Variants in CDH18 observed in about 807,000 individuals in gnomAD.
CDH18 encodes cadherin 18.
Under a neutral mutation model 67.9 loss-of-function variants are expected in CDH18, and 31 were observed. The observed-to-expected ratio is 0.46, with a 90% CI of 0.34 to 0.62. The LOEUF (loss-of-function observed/expected upper bound fraction) is 0.62. Ranked by LOEUF, CDH18 falls within the 20% of genes least tolerant of loss-of-function variation. CDH18 has a pLI of 0.01. For synonymous variants in CDH18, 362 were observed against 347.2 expected (o/e 1.04, Z -0.48); for missense variants, 890 against 975.5 (o/e 0.91, Z 1.17).
At chr5:19,935,122 C>T (rs1415541053) in intron 2 of CDH18, among the ~76,000 whole-genome samples, 2 of 151,116 alleles carry the variant, frequency 1.3e-5, no homozygotes, top group Non-Finnish European at 3.0e-5. Flanking sequence ...TCCGGCACCT[C>T]CAGAAGAAAA....
At chr5:19,859,989 G>GGTGGGTGTGTGTGTGT (rs1554052083) in intron 2 of CDH18, among the ~76,000 whole-genome samples, 1 of 143,148 alleles carries the variant, frequency 7.0e-6, no homozygotes, top group Non-Finnish European at 1.5e-5. Flanking sequence ...GTTTGCTTTG[G>GGTGGGTGTGTGTGTGT]GTGTGTGTGT....
At chr5:19,775,933 G>A (rs1261703295) in intron 3 of CDH18, among the ~76,000 whole-genome samples, 2 of 152,036 alleles carry the variant, frequency 1.3e-5, no homozygotes, top group Non-Finnish European at 2.9e-5. Context: ...ATGGGAGGAT[G>A]GCAATTATTA....
At chr5:20,206,879 C>T (rs1261882727) in intron 2 of CDH18, among the ~76,000 whole-genome samples, 1 of 151,832 alleles carries the variant, frequency 6.6e-6, no homozygotes, top group Non-Finnish European at 1.5e-5. Flanking sequence ...ATGAGAACCC[C>T]ACAACTAATA....
rs373241101 is a variant in CDH18, at chr5:20,244,145, A to G, written c.-518+11299T>C. 2.6e-5 allele frequency among the ~76,000 whole-genome samples: 4 copies of G among 151,246 alleles called. No individual in the cohort carries two copies. In the East Asian group the frequency reaches 7.8e-4, roughly 30 times the overall value. ...TGAAAAAGACAAATAAATATCACCA[A>G]CAAAAAGTTGTCACATACAAATGAT... On this transcript the variant is annotated intron_variant, in intron 2 of 14. Coordinates refer to the CDH18 transcript ENST00000507958.
intron 1 of CDH18, among the ~76,000 whole-genome samples, chr5:20,569,900 C>G (rs886860132): frequency 3.3e-5 from 5 of 152,078 alleles, no homozygotes; most frequent in African/African-American, 9.7e-5. Flanking sequence ...ACTTTAAATG[C>G]ATGTTGATTA....
chr5:20,252,402 A>G (rs564298212), intron 2 of CDH18, among the ~76,000 whole-genome samples: 1 of 152,144 alleles, frequency 6.6e-6, no homozygotes, highest in South Asian at 2.1e-4. Context: ...AGTGAAAGGT[A>G]TATTTTATCA....
At chr5:19,582,914 T>C (rs976020673) in intron 7 of CDH18, among the ~76,000 whole-genome samples, 1 of 151,926 alleles carries the variant, frequency 6.6e-6, no homozygotes, top group African/African-American at 2.4e-5. Context: ...ACCAGAAATA[T>C]AGTATGTAGA....
intron 5 of CDH18, among the ~76,000 whole-genome samples, chr5:19,641,327 C>G (rs1393687854): frequency 2.0e-5 from 3 of 152,056 alleles, no homozygotes; most frequent in African/African-American, 7.2e-5. Context: ...AGGAACACCT[C>G]TAAACTCATT....
At chr5:20,113,540 A>C (rs1214870336) in intron 2 of CDH18, among the ~76,000 whole-genome samples, 2 of 152,222 alleles carry the variant, frequency 1.3e-5, no homozygotes, top group African/African-American at 4.8e-5. Flanking sequence ...TACATGAGGC[A>C]TGACAATAAA....
intron 2 of CDH18, among the ~76,000 whole-genome samples, chr5:20,008,134 A>G (rs982088444): frequency 6.6e-6 from 1 of 152,050 alleles, no homozygotes; most frequent in Non-Finnish European, 1.5e-5. Flanking sequence ...TGACTTCTGC[A>G]TATACATCTT....
chr5:20,106,581 T>TA (rs1423502047), intron 2 of CDH18, among the ~76,000 whole-genome samples: 2 of 152,242 alleles, frequency 1.3e-5, no homozygotes, highest in Non-Finnish European at 2.9e-5. Flanking sequence ...TGATATATAA[T>TA]AAATTGCACA....
intron 6 of CDH18, among the ~76,000 whole-genome samples, chr5:19,606,399 GTATGGTTAATATGTT>G (rs1393713946): frequency 6.6e-6 from 1 of 152,042 alleles, no homozygotes; most frequent in African/African-American, 2.4e-5. Flanking sequence ...TTTGAAATAA[GTATGGTTAATATGTT>G]TATGGTTAAT....
chr5:19,927,339 T>C (rs1370894173), intron 2 of CDH18, among the ~76,000 whole-genome samples: 2 of 152,098 alleles, frequency 1.3e-5, no homozygotes, highest in African/African-American at 4.8e-5. Context: ...CTCATTTCAT[T>C]CTCACAATAC....
rs1561215759 is a variant in CDH18 at position 19,748,130 on chromosome 5, A to AAAAAAAAAAAAAAAAAAAAAAC, written c.229-895_229-894insGTTTTTTTTTTTTTTTTTTTTT. ...TCCATCTCAAAAAAAAAAAAAAAAAAAAAGAGTACTTTTTTAGGGATAGAG... is the reference window on the plus strand; with the variant it reads ...TCCATCTCAAAAAAAAAAAAAAAAAAAAAAAAAAAAAAAAAAAAAAACAAAGAGTACTTTTTTAGGGATAGAG... On this transcript the variant is annotated intron_variant, in intron 3 of 12. Transcript: ENST00000382275. 1.4e-5 allele frequency among the ~76,000 whole-genome samples: 2 copies of AAAAAAAAAAAAAAAAAAAAAAC among 144,894 alleles called. 1 individual carries two copies. Among genetic ancestry groups the AAAAAAAAAAAAAAAAAAAAAAC allele is most frequent in the East Asian group, 4.2e-4 (2 of 4,750 alleles).
intron 2 of CDH18, among the ~76,000 whole-genome samples, chr5:20,002,000 T>C (rs1736481415): frequency 6.6e-6 from 1 of 152,198 alleles, no homozygotes; most frequent in Non-Finnish European, 1.5e-5. Flanking sequence ...AATATTCATA[T>C]ATCAGGGTTG....
At chr5:19,851,027 T>C (rs1353687347) in intron 2 of CDH18, among the ~76,000 whole-genome samples, 1 of 151,846 alleles carries the variant, frequency 6.6e-6, no homozygotes, top group Non-Finnish European at 1.5e-5. Flanking sequence ...CAATGAATTT[T>C]TATTGGGTAT....
intron 2 of CDH18, among the ~76,000 whole-genome samples, chr5:19,939,281 A>G (rs1333656541): frequency 7.2e-5 from 11 of 151,742 alleles, no homozygotes; most frequent in Admixed American, 4.0e-4. Flanking sequence ...GCAGTAGTCT[A>G]TAGCAAATAT....
chr5:20,247,531 C>T (rs1054966292), intron 2 of CDH18, among the ~76,000 whole-genome samples: 9 of 151,910 alleles, frequency 5.9e-5, no homozygotes, highest in African/African-American at 1.7e-4. Flanking sequence ...CTTTGGAGGG[C>T]GAAATGGGTG....
intron 6 of CDH18, among the ~76,000 whole-genome samples, chr5:19,600,133 T>C (rs984749109): frequency 6.5e-5 from 9 of 138,702 alleles, no homozygotes; most frequent in Admixed American, 2.5e-4. Flanking sequence ...TTCTCACTCA[T>C]AGGTGGGAAT....
Sources: gnomAD v4.1 joint callset for allele counts (sites outside exome capture counted in the v4.1 genomes callset) on GRCh38, gnomAD v4.1.1 for gene constraint, MANE v1.5 for transcripts, NCBI Gene and HGNC (gene_info 2026-07-23, HGNC 2026-07-21) for gene names.